ZNF618: variants seen among roughly 807,000 people sequenced by gnomAD.
ZNF618 encodes zinc finger protein 618.
ZNF618 carries 34 observed loss-of-function variants against 103.0 expected under a neutral mutation model. That is an observed-to-expected ratio of 0.33 (90% CI 0.25 to 0.44). The LOEUF is 0.44. Among genes scored for constraint, ZNF618 ranks in the 20% least tolerant of loss-of-function variants. ZNF618 has a pLI of 1.00. For synonymous variants in ZNF618, 551 were observed against 542.2 expected (o/e 1.02, Z -0.23); for missense variants, 1,059 against 1,295.4 (o/e 0.82, Z 2.80).
intron 6 of ZNF618, among the ~76,000 whole-genome samples, chr9:114,003,593 G>A (rs1017420131): frequency 2.0e-5 from 3 of 152,206 alleles, no homozygotes; most frequent in Admixed American, 1.3e-4. Context: ...AGCAAAAGAG[G>A]CCAGGCGTAA....
Position 114,049,841 on chromosome 9 carries a change from G to C in ZNF618, c.2539G>C (p.Glu847Gln). 1 of 1,613,934 alleles carries C rather than the reference G, an allele frequency of 6.2e-7. No homozygotes were observed. The highest frequency in any genetic ancestry group is 8.5e-7 in the Non-Finnish European group (1 of 1,179,904). The change falls in exon 15 of 15, where the codon GAG becomes CAG. Residue 847 changes from glutamate (E) to glutamine (Q), a missense_variant. Physicochemically the swap from Glu to Gln is conservative, Grantham distance 29. Transcript: ENST00000374126. ...KESWAEEADF[E>Q]PAAKKPRSAA... ...GTCCTGGGCCGAGGAGGCCGACTTC[G>C]AGCCCGCTGCCAAGAAGCCCCGCTC... is the stretch of plus-strand genomic sequence containing the variant.
chr9:113,906,195 A>G (rs1830974801), intron 1 of ZNF618, among the ~76,000 whole-genome samples: 1 of 152,124 alleles, frequency 6.6e-6, no homozygotes, highest in African/African-American at 2.4e-5. Flanking sequence ...TTTCAAAGAT[A>G]TTACCAAATT....
chr9:113,917,235 C>CTTTTTTTTTTT (rs56300784), intron 1 of ZNF618, among the ~76,000 whole-genome samples: 4 of 74,254 alleles, frequency 5.4e-5, no homozygotes, highest in African/African-American at 1.0e-4. Context: ...TCTCTCTATC[C>CTTTTTTTTTTT]TTTTTTTTTT....
At chr9:113,917,035 C>T (rs1832163703) in intron 1 of ZNF618, among the ~76,000 whole-genome samples, 1 of 152,062 alleles carries the variant, frequency 6.6e-6, no homozygotes, top group Non-Finnish European at 1.5e-5. Flanking sequence ...ATGGGGTGGC[C>T]AGCTCCCACC....
rs186654111 is a variant in ZNF618, at chr9:114,048,404, G to A, written c.1349-247G>A. On this transcript the variant is annotated intron_variant, in intron 14 of 14. Coordinates refer to ENST00000374126, the MANE Select transcript of ZNF618 (RefSeq NM_001318042.2). Reference sequence around the variant, plus strand: ...AAGATCTAGGGGAATGACATAGACCGCAATTATGTTGCATACATACCACTA... The same window carrying A: ...AAGATCTAGGGGAATGACATAGACCACAATTATGTTGCATACATACCACTA... Among the ~76,000 whole-genome samples, 16 of 152,218 alleles carry A rather than the reference G, an allele frequency of 1.1e-4. No individual in the cohort carries two copies. In the East Asian group the frequency reaches 2.3e-3, roughly 22 times the overall value.
intron 3 of ZNF618, among the ~76,000 whole-genome samples, chr9:113,996,757 C>G (rs4979313): frequency 0.91 from 137,980 of 152,230 alleles, 62,717 homozygotes; most frequent in East Asian, 1. Context: ...CTCAATAGGG[C>G]ACTCTGGGGA....
At position 114,028,857 on chromosome 9, in the gene ZNF618, A is replaced by G; in HGVS notation, c.969A>G (p.Lys323=). Residue 323 remains lysine (K), a synonymous_variant, in exon 11 of 15, where the codon AAA becomes AAG. Transcript: ENST00000374126. ...AKTQTNQSGK[K]APASVVRCAT... is the part of the protein sequence containing the mutation. ...CCCAGACGAACCAGTCGGGGAAAAA[A>G]GCTCCGGCCTCCGTGGTCCGATGTG... 3 of 1,550,532 alleles carry G rather than the reference A, an allele frequency of 1.9e-6. No homozygotes were observed. The highest frequency in any genetic ancestry group is 2.6e-6 in the Non-Finnish European group (3 of 1,146,936).
chr9:113,959,180 T>C (rs2418261), intron 1 of ZNF618, among the ~76,000 whole-genome samples: 78,141 of 151,688 alleles, frequency 0.52, 20,762 homozygotes, highest in East Asian at 0.69. Flanking sequence ...TCCAAGCTAC[T>C]CAGGAGGCTG....
chr9:114,039,054 AGTCACTGTGGCAGGCTATAGATAGGATTC>A (rs1430288138), intron 13 of ZNF618, among the ~76,000 whole-genome samples: 20 of 152,236 alleles, frequency 1.3e-4, no homozygotes, highest in Admixed American at 3.3e-4. Flanking sequence ...AAGGCTATGC[AGTCACTGTGGCAGGCTATAGATAGGATTC>A]CAGTTCTCGC....
chr9:114,022,885 A>G (rs1249998914), intron 10 of ZNF618, among the ~76,000 whole-genome samples: 2 of 152,082 alleles, frequency 1.3e-5, no homozygotes, highest in Admixed American at 6.5e-5. Flanking sequence ...AAGTAGTGCA[A>G]TGCCATTCTA....
intron 1 of ZNF618, among the ~76,000 whole-genome samples, chr9:113,962,327 A>G (rs1836927304): frequency 6.6e-6 from 1 of 152,140 alleles, no homozygotes; most frequent in Non-Finnish European, 1.5e-5. Flanking sequence ...AGTCCCTGCC[A>G]CCATCATCTT....
rs140543325 is a variant in ZNF618, at chr9:114,029,874, C to T, written c.1084+902C>T. On this transcript the variant is annotated intron_variant, in intron 11 of 14. Coordinates refer to ENST00000374126, the MANE Select transcript of ZNF618 (RefSeq NM_001318042.2). ...AAAAAGTTCCGAGAAGTTATTTCCTCCAGAAAAACTGGCCAGACACACTGT... is the reference window on the plus strand; with the variant it reads ...AAAAAGTTCCGAGAAGTTATTTCCTTCAGAAAAACTGGCCAGACACACTGT... Among the ~76,000 whole-genome samples the T allele has an allele frequency of 5.5e-4, 84 of 152,300 alleles. No individual in the cohort carries two copies. In the East Asian group the frequency reaches 0.014, roughly 25 times the overall value.
rs770450858 is a variant in ZNF618 at position 114,048,797 on chromosome 9, T to C, written c.1495T>C (p.Leu499=). 1.2e-6 allele frequency: 2 copies of C among 1,613,852 alleles called. No homozygotes were observed. Among genetic ancestry groups the C allele is most frequent in the African/African-American group, 1.3e-5 (1 of 74,934 alleles). ...GKEFLKLAQT[L]VDSGARYGAF... ...GGAGTTCCTGAAGTTGGCCCAGACC[T>C]TAGTAGACAGTGGTGCCCGCTATGG... The change falls in exon 15 of 15, where the codon TTA becomes CTA. Residue 499 remains leucine (L), a synonymous_variant. Coordinates refer to ENST00000374126, the MANE Select transcript of ZNF618 (RefSeq NM_001318042.2).
chr9:113,912,334 A>G (rs1158030686), intron 1 of ZNF618, among the ~76,000 whole-genome samples: 4 of 152,258 alleles, frequency 2.6e-5, no homozygotes, highest in South Asian at 2.1e-4. Flanking sequence ...TGGGATTAGG[A>G]TGGGATTTCA....
Position 114,002,153 on chromosome 9 carries a change from G to A in ZNF618, c.511+80G>A, listed in dbSNP as rs539110273. On this transcript the variant is annotated intron_variant, in intron 5 of 14. Coordinates refer to ENST00000374126, the MANE Select transcript of ZNF618 (RefSeq NM_001318042.2). ...CTGTTTCCCACTTGGGCCCCTCGTG[G>A]GTGACCCCAGAGGCCCTGACAGCTC... 1.5e-5 allele frequency: 20 copies of A among 1,327,114 alleles called. No individual in the cohort carries two copies. In the African/African-American group the frequency reaches 2.1e-4, roughly 14 times the overall value. 82.2% of individuals were successfully genotyped at this position (1,327,114 alleles called of 1,614,324 possible). A position where few individuals can be genotyped will look rare whatever the true frequency, so the allele number is the denominator to read the frequency against.
At chr9:113,979,983 G>C (rs527282166) in intron 2 of ZNF618, among the ~76,000 whole-genome samples, 23 of 152,162 alleles carry the variant, frequency 1.5e-4, no homozygotes, top group Non-Finnish European at 3.1e-4. Flanking sequence ...AGGAGAAAGG[G>C]GGGGTGGCTT....
chr9:114,017,540 C>T (rs1842747549), intron 10 of ZNF618, among the ~76,000 whole-genome samples: 1 of 152,178 alleles, frequency 6.6e-6, no homozygotes, highest in African/African-American at 2.4e-5. Context: ...GGCCCATCAG[C>T]CTCCCTCTCT....
chr9:114,007,630 A>T (rs572299420), intron 7 of ZNF618, among the ~76,000 whole-genome samples, 191 bp downstream of exon 7: 2 of 152,284 alleles, frequency 1.3e-5, no homozygotes, highest in South Asian at 4.1e-4. Context: ...TACTCCACAT[A>T]CACTTCTATT....
chr9:113,912,231 C>A (rs1356201786), intron 1 of ZNF618, among the ~76,000 whole-genome samples: 1 of 152,156 alleles, frequency 6.6e-6, no homozygotes, highest in Non-Finnish European at 1.5e-5. Context: ...GGGCACTGAT[C>A]CCACTCTTGC....
Sources: gnomAD v4.1 joint callset for allele counts (sites outside exome capture counted in the v4.1 genomes callset) on GRCh38, gnomAD v4.1.1 for gene constraint, MANE v1.5 for transcripts, NCBI Gene and HGNC (gene_info 2026-07-23, HGNC 2026-07-21) for gene names.